Variants in IDH2 observed in about 807,000 individuals in gnomAD.
IDH2 encodes isocitrate dehydrogenase (NADP(+)) 2, also known as isocitrate dehydrogenase [NADP], mitochondrial.
A neutral mutation model predicts 50.5 loss-of-function variants in IDH2; 18 were observed. That is an observed-to-expected ratio of 0.36 (90% CI 0.25 to 0.53). The LOEUF (loss-of-function observed/expected upper bound fraction) is 0.53. Ranked by LOEUF, IDH2 falls within the 20% of genes least tolerant of loss-of-function variation. The pLI is 0.92. For synonymous variants in IDH2, 280 were observed against 239.8 expected, an observed-to-expected ratio of 1.17 and a Z score of -1.55; for missense variants, 518 against 610.7, an observed-to-expected ratio of 0.85 and a Z score of 1.60.
intron 2 of IDH2, among the ~76,000 whole-genome samples, chr15:90,091,081 G>A (rs1426371802): frequency 6.6e-6 from 1 of 152,184 alleles, no homozygotes; most frequent in Non-Finnish European, 1.5e-5. Context: ...GCCTTCACAA[G>A]GACTACATGC....
chr15:90,089,537 T>G (rs1041017152), intron 3 of IDH2, among the ~76,000 whole-genome samples: 3 of 152,122 alleles, frequency 2.0e-5, no homozygotes, highest in African/African-American at 7.2e-5. Context: ...TGTCCATAAA[T>G]GGGGATACAC....
Position 90,090,470 on chromosome 15 carries a change from C to T in IDH2, c.373+9G>A. On this transcript the variant is annotated intron_variant, in intron 3 of 10. Transcript: ENST00000330062. ...CCTCCCTGGCCCGCCCACCTCCACA[C>T]CCTCGCACCTTCCACACGGGCCTCA... 6.2e-7 allele frequency: 1 copy of T among 1,612,704 alleles called. No homozygotes were observed. The highest frequency in any genetic ancestry group is 8.5e-7 in the Non-Finnish European group (1 of 1,179,938).
intron 1 of IDH2, 93 bp downstream of exon 1, chr15:90,102,183 G>T: frequency 2.1e-6 from 1 of 469,014 alleles, no homozygotes; most frequent in Non-Finnish European, 3.3e-6. Context: ...CGGGCTGCGG[G>T]CTGGCGGGAC....
Position 90,085,432 on chromosome 15 carries a change from G to T in IDH2, c.968-45C>A. On this transcript the variant is annotated intron_variant, in intron 7 of 10. Transcript: ENST00000330062. The surrounding 1 kb of genome is among the most constrained non-coding windows in gnomAD (Gnocchi z 5.5). ...TCTCTCAGGGCCTCGCCTCTCCTGG[G>T]GCCACCCAGCTGAGCCCTGCTGCCC... 7.3e-7 allele frequency: 1 copy of T among 1,375,538 alleles called. No homozygotes were observed. The highest frequency in any genetic ancestry group is 1.0e-6 in the Non-Finnish European group (1 of 988,342). The allele number at this position is 1,375,538 out of a possible 1,614,324, so 85.2% of individuals were successfully genotyped here.
In IDH2 at chr15:90,098,392, C is replaced by G. The variant is rs775762707; in HGVS notation, c.115+3884G>C. Among the ~76,000 whole-genome samples the G allele has an allele frequency of 3.9e-4, 60 of 152,214 alleles. No homozygotes were observed. Among genetic ancestry groups the G allele is most frequent in the Non-Finnish European group, 7.6e-4 (52 of 68,040 alleles). On this transcript the variant is annotated intron_variant, in intron 1 of 10. Transcript: ENST00000330062. The surrounding 1 kb of genome is among the most constrained non-coding windows in gnomAD (Gnocchi z 5.1). ...TGCTCCCTCCACATTCCTACCCATG[C>G]TCTCAGCAGAAAGGCTGCTCAGTCA...
intron 1 of IDH2, among the ~76,000 whole-genome samples, chr15:90,092,154 T>G (rs926879522): frequency 6.6e-6 from 1 of 152,160 alleles, no homozygotes; most frequent in African/African-American, 2.4e-5. Context: ...TCATTATATA[T>G]TACAATGTAA....
At chr15:90,090,723 C>T (rs1596076227) in intron 2 of IDH2, 79 bp from the exon 3 acceptor site, 1 of 1,416,972 alleles carries the variant, frequency 7.1e-7, no homozygotes, top group Non-Finnish European at 1.0e-6. Context: ...AAGAAGTCTG[C>T]AGGCCATGGC....
At chr15:90,086,544 T>A (rs1900863590) in intron 7 of IDH2, among the ~76,000 whole-genome samples, 1 of 152,058 alleles carries the variant, frequency 6.6e-6, no homozygotes, top group Non-Finnish European at 1.5e-5. Context: ...CAGGTGTCCA[T>A]GACTGTGCCC....
At chr15:90,102,185 T>C in intron 1 of IDH2, 91 bp downstream of exon 1, 3 of 479,164 alleles carry the variant, frequency 6.3e-6, no homozygotes, top group Non-Finnish European at 9.6e-6. Context: ...GGCTGCGGGC[T>C]GGCGGGACGT....
Position 90,084,134 on chromosome 15 carries a change from T to C in IDH2, c.*132A>G. On this transcript the variant is annotated 3_prime_UTR_variant, in exon 11 of 11. Transcript: ENST00000330062. This position sits in a 1 kb window ranked among gnomAD's most constrained non-coding sequence, Gnocchi z 5.0. Reference sequence around the variant, plus strand: ...AAACACACATATGCTTTTAAAAACATCTGGCTTATAAAAAAACATCCCCTA... The same window carrying C: ...AAACACACATATGCTTTTAAAAACACCTGGCTTATAAAAAAACATCCCCTA... 1 of 703,902 alleles carries C rather than the reference T, an allele frequency of 1.4e-6. No individual in the cohort carries two copies. The highest frequency in any genetic ancestry group is 1.6e-5 in the South Asian group (1 of 63,306). 43.6% of individuals were successfully genotyped at this position (703,902 alleles called of 1,614,324 possible).
At position 90,100,259 on chromosome 15, in the gene IDH2, T is replaced by C. The variant is rs1310324597; in HGVS notation, c.115+2017A>G. Among the ~76,000 whole-genome samples the C allele has an allele frequency of 2.7e-4, 41 of 152,160 alleles. 1 individual carries two copies. Among genetic ancestry groups the C allele is most frequent in the Admixed American group, 2.7e-3 (41 of 15,266 alleles). ...GGCCACAGACCCTGGCTTCCAGTAA[T>C]CTGAGAGCAGTTTCCAGCACCTCAT... On this transcript the variant is annotated intron_variant, in intron 1 of 10. Coordinates refer to ENST00000330062, the MANE Select transcript of IDH2 (RefSeq NM_002168.4). This position sits in a 1 kb window ranked among gnomAD's most constrained non-coding sequence, Gnocchi z 4.1.
At chr15:90,095,325 A>G (rs979982312) in intron 1 of IDH2, among the ~76,000 whole-genome samples, 1 of 152,174 alleles carries the variant, frequency 6.6e-6, no homozygotes, top group African/African-American at 2.4e-5. Context: ...TTTTGAACCC[A>G]ATCTACAATA....
chr15:90,087,032 AC>A, intron 7 of IDH2, 79 bp downstream of exon 7: 1 of 1,510,844 alleles, frequency 6.6e-7, no homozygotes, highest in South Asian at 1.1e-5. Flanking sequence ...AGAGTTTTCT[AC>A]CAAAAGGGTC....
intron 1 of IDH2, among the ~76,000 whole-genome samples, chr15:90,097,178 CCA>C (rs1567259109): frequency 2.0e-5 from 3 of 152,240 alleles, no homozygotes; most frequent in African/African-American, 7.2e-5. Flanking sequence ...TGTCAGTTAC[CCA>C]CAGTCAACCA....
chr15:90,102,326 G>T lies in IDH2; in HGVS notation c.65C>A (p.Ala22Glu). The change falls in exon 1 of 11, where the codon GCG becomes GAG. Residue 22 changes from alanine to glutamate, a missense_variant. Physicochemically the swap from Ala to Glu is moderately radical, Grantham distance 107. Coordinates refer to ENST00000330062, the MANE Select transcript of IDH2 (RefSeq NM_002168.4). ...GGTGGGGGCTGTCAGGGCCGCCGGC[G>T]CCCAGGCCGGCCGCGAGCCTGAGGC... is the stretch of plus-strand genomic sequence containing the variant. ...CRASGSRPAWAPAALTAPTSQ... is the reference protein window; with the variant it reads ...CRASGSRPAWEPAALTAPTSQ... 7.3e-7 allele frequency: 1 copy of T among 1,360,558 alleles called. No homozygotes were observed. Among genetic ancestry groups the T allele is most frequent in the South Asian group, 1.6e-5 (1 of 61,882 alleles). 84.3% of individuals were successfully genotyped at this position (1,360,558 alleles called of 1,614,324 possible).
At chr15:90,088,902 G>A (rs1351644001) in intron 3 of IDH2, among the ~76,000 whole-genome samples, 155 bp from the exon 4 acceptor site, 1 of 139,660 alleles carries the variant, frequency 7.2e-6, no homozygotes, top group African/African-American at 2.6e-5. Flanking sequence ...TCTGGAGTCT[G>A]CCAATTTTTT....
chr15:90,096,915 C>T (rs1396845163), intron 1 of IDH2, among the ~76,000 whole-genome samples: 2 of 147,918 alleles, frequency 1.4e-5, no homozygotes, highest in Non-Finnish European at 3.0e-5. Context: ...GACTCCGTCT[C>T]GAAAAAAAAA....
In IDH2 at chr15:90,098,159, T is replaced by G. The variant is rs1414208955; in HGVS notation, c.115+4117A>C. Reference sequence around the variant, plus strand: ...GTGACAGCCACCACGAATCTTCAGCTGATGCATTGCACAAACACTGTCCTC... The same window carrying G: ...GTGACAGCCACCACGAATCTTCAGCGGATGCATTGCACAAACACTGTCCTC... On this transcript the variant is annotated intron_variant, in intron 1 of 10. Transcript: ENST00000330062. This position sits in a 1 kb window ranked among gnomAD's most constrained non-coding sequence, Gnocchi z 5.1. 3.9e-5 allele frequency among the ~76,000 whole-genome samples: 6 copies of G among 152,214 alleles called. No homozygotes were observed. The highest frequency in any genetic ancestry group is 1.4e-4 in the African/African-American group (6 of 41,458).
rs149712510 is a variant in IDH2, at chr15:90,102,172, C to T, written c.115+104G>A. 0.022 allele frequency: 9,448 copies of T among 427,182 alleles called. 757 individuals are homozygous for T. The highest frequency in any genetic ancestry group is 0.17 in the African/African-American group (8,308 of 48,034). 26.5% of individuals were successfully genotyped at this position (427,182 alleles called of 1,614,324 possible). A position where few individuals can be genotyped will look rare whatever the true frequency, so the allele number is the denominator to read the frequency against. ...CTTTGTGCGCCTGACCCCGCCGTCC[C>T]CGGGCTGCGGGCTGGCGGGACGTGC... is the stretch of plus-strand genomic sequence containing the variant. On this transcript the variant is annotated intron_variant, in intron 1 of 10. Transcript: ENST00000330062.
Sources: gnomAD v4.1 joint callset for allele counts (sites outside exome capture counted in the v4.1 genomes callset) on GRCh38, gnomAD v4.1.1 for gene constraint, Gnocchi (gnomAD v3.1) non-coding constraint, MANE v1.5 for transcripts, NCBI Gene and HGNC (gene_info 2026-07-23, HGNC 2026-07-21) for gene names.